INTS15: variants seen among roughly 807,000 people sequenced by gnomAD.
The protein encoded by INTS15 is integrator complex subunit 15, also known as uncharacterized protein C7orf26.
the INTS15 span, chr7:6,590,140 AGCAGGCGGCG>A: frequency 3.2e-6 from 2 of 618,692 alleles, no homozygotes; most frequent in Non-Finnish European, 2.4e-6. Context: ...GCAGGCAGGG[AGCAGGCGGCG>A]GCAGGCGGGC....
At chr7:6,592,579 T>A in the INTS15 span, among the ~76,000 whole-genome samples, 2 of 151,730 alleles carry the variant, frequency 1.3e-5, no homozygotes, top group Admixed American at 6.6e-5. Flanking sequence ...AAAAAAAACT[T>A]TTTTTTTAAA....
the INTS15 span, among the ~76,000 whole-genome samples, chr7:6,604,392 AACTG>A: frequency 1.3e-5 from 2 of 152,242 alleles, no homozygotes; most frequent in African/African-American, 4.8e-5. Flanking sequence ...TACAAATAGT[AACTG>A]ACTGCTGGGG....
At chr7:6,591,725 G>C in the INTS15 span, 2 of 1,614,118 alleles carry the variant, frequency 1.2e-6, no homozygotes, top group Non-Finnish European at 1.7e-6. Flanking sequence ...GACTCTGTTC[G>C]GCAGATTATT....
At chr7:6,590,499 C>A in the INTS15 span, 1 of 1,535,192 alleles carries the variant, frequency 6.5e-7, no homozygotes. Context: ...CGGTCGGGTT[C>A]CCGGGCCCCG....
the INTS15 span, among the ~76,000 whole-genome samples, chr7:6,592,269 T>G: frequency 6.6e-6 from 1 of 152,008 alleles, no homozygotes; most frequent in South Asian, 2.1e-4. Context: ...TTTGTTTGTT[T>G]AAATTATTTT....
chr7:6,598,981 TCTCA>T, the INTS15 span, among the ~76,000 whole-genome samples: 2 of 151,950 alleles, frequency 1.3e-5, no homozygotes, highest in South Asian at 4.2e-4. Context: ...AGAGACTGGG[TCTCA>T]CTATGTTTCC....
the INTS15 span, chr7:6,599,780 CT>C: frequency 6.4e-7 from 1 of 1,574,456 alleles, no homozygotes; most frequent in African/African-American, 1.3e-5. Flanking sequence ...CTTCCCGCCC[CT>C]GTCCTCGAGG....
chr7:6,595,441 G>A, the INTS15 span, among the ~76,000 whole-genome samples: 22 of 152,302 alleles, frequency 1.4e-4, no homozygotes, highest in Non-Finnish European at 2.2e-4. Context: ...CGGCATTACA[G>A]GTGTGAGCCA....
the INTS15 span, among the ~76,000 whole-genome samples, chr7:6,596,639 A>T: frequency 6.6e-6 from 1 of 151,958 alleles, no homozygotes; most frequent in Non-Finnish European, 1.5e-5. Flanking sequence ...TCAGTCTCCC[A>T]AAGTGCTGAG....
At chr7:6,596,656 G>C in the INTS15 span, among the ~76,000 whole-genome samples, 2 of 152,056 alleles carry the variant, frequency 1.3e-5, no homozygotes, top group Admixed American at 1.3e-4. Flanking sequence ...TGAGATTACA[G>C]GTGTGAGCCA....
the INTS15 span, among the ~76,000 whole-genome samples, chr7:6,606,474 C>T: frequency 2.6e-5 from 4 of 152,062 alleles, no homozygotes; most frequent in South Asian, 2.1e-4. Flanking sequence ...GGCTAAGTGA[C>T]GGGGTGTGAG....
At chr7:6,607,780 G>A in the INTS15 span, 7 of 1,483,006 alleles carry the variant, frequency 4.7e-6, no homozygotes, top group Non-Finnish European at 6.2e-6. The surrounding 1 kb of genome is among the most constrained non-coding windows in gnomAD (Gnocchi z 6.0). Flanking sequence ...ACGCATCCTC[G>A]CCTGTGGGGT....
chr7:6,606,112 G>C, the INTS15 span, among the ~76,000 whole-genome samples: 1 of 152,200 alleles, frequency 6.6e-6, no homozygotes, highest in Admixed American at 6.5e-5. Flanking sequence ...ATCATCACAT[G>C]ACCGAAATTT....
the INTS15 span, among the ~76,000 whole-genome samples, chr7:6,603,142 C>T: frequency 1.6e-4 from 25 of 151,726 alleles, no homozygotes; most frequent in Admixed American, 4.6e-4. Context: ...CCCGGCTACT[C>T]GGGCGGCTGA....
the INTS15 span, chr7:6,591,705 G>C: frequency 6.2e-7 from 1 of 1,614,170 alleles, no homozygotes; most frequent in Non-Finnish European, 8.5e-7. Flanking sequence ...ATTTCCAGGA[G>C]CAAACCAAGG....
At chr7:6,608,430 T>C in the INTS15 span, 4 of 1,336,592 alleles carry the variant, frequency 3.0e-6, no homozygotes, top group East Asian at 3.2e-5. Flanking sequence ...GCCTCTGTTC[T>C]CTGCGCATTT....
At chr7:6,608,157 G>T in the INTS15 span, 11 of 1,388,870 alleles carry the variant, frequency 7.9e-6, no homozygotes, top group Non-Finnish European at 1.0e-5. Context: ...AGGCCCATCC[G>T]CTAGGCTGGC....
At chr7:6,602,276 A>T in the INTS15 span, 29,070 of 662,494 alleles carry the variant, frequency 0.044, 1,321 homozygotes, top group African/African-American at 0.18. Context: ...GAGCATCAGA[A>T]AACGCACGTG....
At chr7:6,594,309 T>C in the INTS15 span, 1 of 964,928 alleles carries the variant, frequency 1.0e-6, no homozygotes, top group Non-Finnish European at 1.6e-6. Flanking sequence ...CTCGGCCCCA[T>C]TAACATCTTT....
Sources: allele counts gnomAD v4.1 joint callset (sites outside exome capture counted in the v4.1 genomes callset), GRCh38; gene constraint gnomAD v4.1.1; non-coding constraint Gnocchi (gnomAD v3.1); transcripts MANE v1.5; gene names NCBI Gene and HGNC (gene_info 2026-07-23, HGNC 2026-07-21).